The following MLH3 variants were observed in gnomAD, a reference collection of about 807,000 sequenced individuals.
The protein encoded by MLH3 is mutL homolog 3.
In MLH3, 82 loss-of-function variants were observed where a neutral mutation model predicts 122.2. The ratio of observed to expected loss-of-function variants is 0.67; its 90% CI spans 0.56 to 0.81. The LOEUF is 0.81. MLH3 is among the 30% of genes least tolerant of loss of function. The pLI is 0.00. For missense variants in MLH3, 1,539 were observed against 1,714.5 expected, an observed-to-expected ratio of 0.90 and a Z score of 1.81; for synonymous variants, 524 against 599.5, an observed-to-expected ratio of 0.87 and a Z score of 1.84.
intron 4 of MLH3, among the ~76,000 whole-genome samples, chr14:75,041,121 G>C (rs560367902): frequency 6.6e-6 from 1 of 152,244 alleles, no homozygotes; most frequent in East Asian, 1.9e-4. Flanking sequence ...GCAGTGGCTA[G>C]TCACAGGTGC....
intron 2 of MLH3, among the ~76,000 whole-genome samples, chr14:75,044,500 C>T (rs1892082747): frequency 6.6e-6 from 1 of 152,142 alleles, no homozygotes; most frequent in African/African-American, 2.4e-5. Flanking sequence ...GGTGTCAGTG[C>T]TGTAGATTTA....
chr14:75,031,025 G>C (rs551342768), intron 8 of MLH3, among the ~76,000 whole-genome samples: 1 of 152,278 alleles, frequency 6.6e-6, no homozygotes, highest in East Asian at 1.9e-4. Context: ...ATGAAGAAAA[G>C]GTCTGAGAGT....
intron 9 of MLH3, among the ~76,000 whole-genome samples, chr14:75,024,132 T>A (rs781734796): frequency 3.8e-4 from 58 of 152,222 alleles, no homozygotes; most frequent in Non-Finnish European, 6.3e-4. Flanking sequence ...GTCCATTTTA[T>A]ATTCCAATGG....
rs1891182710 is a variant in MLH3, at chr14:75,033,438, A to C, written c.3696T>G (p.Arg1232=). The C allele has an allele frequency of 6.2e-7, 1 of 1,614,154 alleles. No homozygotes were observed. Among genetic ancestry groups the C allele is most frequent in the Non-Finnish European group, 8.5e-7 (1 of 1,180,024 alleles). ...VDQHAAHERI[R]LEQLIIDSYE... Reference sequence around the variant, plus strand: ...CCTTACCAATGATAAGCTGCTCCAGACGTATACGCTCATGGGCAGCGTGCT... The same window carrying C: ...CCTTACCAATGATAAGCTGCTCCAGCCGTATACGCTCATGGGCAGCGTGCT... Residue 1232 remains arginine (R), a synonymous_variant, in exon 7 of 13, where the codon CGT becomes CGG. Coordinates refer to ENST00000355774, the MANE Select transcript of MLH3 (RefSeq NM_001040108.2).
Position 75,042,446 on chromosome 14 carries a change from G to C in MLH3, c.3312C>G (p.Ser1104Arg). Residue 1104 changes from serine to arginine, a missense_variant, in exon 3 of 13, where the codon AGC becomes AGG. Transcript: ENST00000355774. ...GSQYRCQPFR[S>R]DLVLPFLPRA... ...TCGGAAGGAAAGGAAGAACAAGGTCGCTTCTAAAAGGTTGACACCTGTACT... is the reference window on the plus strand; with the variant it reads ...TCGGAAGGAAAGGAAGAACAAGGTCCCTTCTAAAAGGTTGACACCTGTACT... 1 of 1,614,108 alleles carries C rather than the reference G, an allele frequency of 6.2e-7. No individual in the cohort carries two copies. Among genetic ancestry groups the C allele is most frequent in the Non-Finnish European group, 8.5e-7 (1 of 1,179,984 alleles).
In MLH3 at chr14:75,013,942, G is replaced by A. The variant is rs77514025; in HGVS notation, c.*3140C>T. The A allele has an allele frequency of 8.4e-3, 1,606 of 190,892 alleles. 30 individuals are homozygous for A. Among genetic ancestry groups the A allele is most frequent in the African/African-American group, 0.033 (1,434 of 43,116 alleles). 11.8% of individuals were successfully genotyped at this position (190,892 alleles called of 1,614,324 possible). A position where few individuals can be genotyped will look rare whatever the true frequency, so the allele number is the denominator to read the frequency against. Reference sequence around the variant, plus strand: ...ATCGCGACTGGCCAGCATACTGGCCGGTTCTCTCTGTTAGCAGACTTTTGC... The same window carrying A: ...ATCGCGACTGGCCAGCATACTGGCCAGTTCTCTCTGTTAGCAGACTTTTGC... On this transcript the variant is annotated 3_prime_UTR_variant, in exon 13 of 13. Coordinates refer to ENST00000355774, the MANE Select transcript of MLH3 (RefSeq NM_001040108.2).
chr14:75,026,202 A>G (rs921755670), intron 9 of MLH3, among the ~76,000 whole-genome samples: 4 of 152,200 alleles, frequency 2.6e-5, no homozygotes, highest in Non-Finnish European at 5.9e-5. Context: ...CTTCTAGATG[A>G]GGTGGGTGTG....
chr14:75,034,486 A>G (rs1891255930), intron 6 of MLH3, among the ~76,000 whole-genome samples: 1 of 152,180 alleles, frequency 6.6e-6, no homozygotes, highest in Admixed American at 6.5e-5. Context: ...CTACTCAACA[A>G]TTCTTTTTGA....
At chr14:75,037,953 G>A (rs1013250714) in intron 6 of MLH3, among the ~76,000 whole-genome samples, 5 of 152,234 alleles carry the variant, frequency 3.3e-5, no homozygotes, top group African/African-American at 1.2e-4. Context: ...AGGCTGGAGT[G>A]TAATAGCGCA....
intron 2 of MLH3, among the ~76,000 whole-genome samples, chr14:75,044,043 C>T (rs956265588): frequency 5.9e-5 from 9 of 151,938 alleles, no homozygotes; most frequent in Non-Finnish European, 1.0e-4. Flanking sequence ...GAGCCGAGAT[C>T]GCACCATTTC....
In MLH3 at chr14:75,048,646, AAG is replaced by A. The variant is rs1892438756; in HGVS notation, c.1008_1009del (p.Leu337ValfsTer23). ...TTTCACTCCTTCCTGAATGCAAAAC[AAG>A]AGAGTGTCCCAGTTCTGAAATTCAA... On this transcript the variant is annotated frameshift_variant, in exon 2 of 13. Coordinates refer to ENST00000355774, the MANE Select transcript of MLH3 (RefSeq NM_001040108.2). LOFTEE classifies it high-confidence loss of function. 1.9e-6 allele frequency: 3 copies of A among 1,614,084 alleles called. No individual in the cohort carries two copies. The highest frequency in any genetic ancestry group is 1.1e-5 in the South Asian group (1 of 91,084).
intron 2 of MLH3, among the ~76,000 whole-genome samples, chr14:75,044,563 A>G (rs1892086506): frequency 6.6e-6 from 1 of 152,224 alleles, no homozygotes; most frequent in Non-Finnish European, 1.5e-5. Flanking sequence ...TAGATTGAAA[A>G]GCACATAAAG....
chr14:75,019,023 G>C lies in MLH3; in HGVS notation c.4091-43C>G. 4 of 1,580,400 alleles carry C rather than the reference G, an allele frequency of 2.5e-6. No homozygotes were observed. The South Asian group carries it at 4.4e-5, about 17-fold the overall frequency. ...ACAAGAAGGTTATAGTGTATATAGT[G>C]GGAAACCAATGCTGACCTTGGGTCA... On this transcript the variant is annotated intron_variant, in intron 11 of 12. Coordinates refer to ENST00000355774, the MANE Select transcript of MLH3 (RefSeq NM_001040108.2).
chr14:75,027,564 G>A (rs147122995), intron 9 of MLH3, among the ~76,000 whole-genome samples: 56 of 150,292 alleles, frequency 3.7e-4, no homozygotes, highest in African/African-American at 1.1e-3. Flanking sequence ...CCTGGCCCAC[G>A]GACTCTTACT....
Position 75,047,233 on chromosome 14 carries a change from G to A in MLH3, c.2423C>T (p.Thr808Ile). ...ACTATCTGAATCACTATGCTCCATA[G>A]TAGTGATTTTACAAACATCAGAGTT... is the stretch of plus-strand genomic sequence containing the variant. ...LENSDVCKIT[T>I]MEHSDSDSSC... is the part of the protein sequence containing the mutation. The change falls in exon 2 of 13, where the codon ACT becomes ATT. Residue 808 changes from threonine (T) to isoleucine (I), a missense_variant. Physicochemically the swap from Thr to Ile is moderately conservative, Grantham distance 89. Coordinates refer to ENST00000355774, the MANE Select transcript of MLH3 (RefSeq NM_001040108.2). 1 of 1,614,102 alleles carries A rather than the reference G, an allele frequency of 6.2e-7. No homozygotes were observed. The highest frequency in any genetic ancestry group is 8.5e-7 in the Non-Finnish European group (1 of 1,180,002).
At chr14:75,024,100 A>T (rs569471469) in intron 9 of MLH3, among the ~76,000 whole-genome samples, 17 of 152,346 alleles carry the variant, frequency 1.1e-4, no homozygotes, top group Non-Finnish European at 1.8e-4. Context: ...AGCTTAGTGA[A>T]GGGGTGATGG....
chr14:75,036,157 T>C (rs1421152406), intron 6 of MLH3, among the ~76,000 whole-genome samples: 1 of 152,188 alleles, frequency 6.6e-6, no homozygotes, highest in Non-Finnish European at 1.5e-5. Flanking sequence ...CATCCTCTTC[T>C]ACCGAGCTCT....
In MLH3 at chr14:75,016,015, A is replaced by AT. The variant is rs941814582; in HGVS notation, c.*1066dup. ...TAAACATTACCAGCTGGCTTTTTGC[A>AT]TTTTTTTTCTACTATGCAATTTTAG... On this transcript the variant is annotated 3_prime_UTR_variant, in exon 13 of 13. Transcript: ENST00000355774. 3 of 230,556 alleles carry AT rather than the reference A, an allele frequency of 1.3e-5. No homozygotes were observed. The highest frequency in any genetic ancestry group is 6.2e-5 in the East Asian group (1 of 16,220). The allele number at this position is 230,556 out of a possible 1,614,324, so 14.3% of individuals were successfully genotyped here.
At chr14:75,025,862 G>A (rs754118898) in intron 9 of MLH3, among the ~76,000 whole-genome samples, 26 of 152,220 alleles carry the variant, frequency 1.7e-4, no homozygotes, top group Non-Finnish European at 3.1e-4. Flanking sequence ...CTCTGTCAAT[G>A]GCACCACCAT....
Sources: gnomAD v4.1 joint callset for allele counts (sites outside exome capture counted in the v4.1 genomes callset) on GRCh38, gnomAD v4.1.1 for gene constraint, MANE v1.5 for transcripts, NCBI Gene and HGNC (gene_info 2026-07-23, HGNC 2026-07-21) for gene names.